Variants in RAPGEF1 observed in about 807,000 individuals in gnomAD.
RAPGEF1 encodes the protein CRK SH3-binding GNRP.
In RAPGEF1, 33 loss-of-function variants were observed where a neutral mutation model predicts 143.3. The ratio of observed to expected loss-of-function variants is 0.23; its 90% CI spans 0.17 to 0.31. The LOEUF is 0.31. Among genes scored for constraint, RAPGEF1 ranks in the 10% least tolerant of loss-of-function variants. RAPGEF1 has a pLI of 1.00. For missense variants in RAPGEF1, 1,199 were observed against 1,645.4 expected (o/e 0.73, Z 4.69); for synonymous variants, 629 against 676.5 (o/e 0.93, Z 1.09).
At chr9:131,672,336 C>A (rs1831537887) in intron 1 of RAPGEF1, among the ~76,000 whole-genome samples, 1 of 152,236 alleles carries the variant, frequency 6.6e-6, no homozygotes, top group African/African-American at 2.4e-5. Flanking sequence ...TTCACTGAAT[C>A]AATTTTAGGA....
Position 131,660,996 on chromosome 9 carries a change from C to G in RAPGEF1, c.62-10047G>C, listed in dbSNP as rs143423687. Among the ~76,000 whole-genome samples the G allele has an allele frequency of 4.9e-3, 748 of 152,332 alleles. 13 individuals are homozygous for G. Among genetic ancestry groups the G allele is most frequent in the Non-Finnish European group, 4.1e-3 (282 of 68,040 alleles). ...GAAGCAGTACATTAAAACCACTGAG[C>G]TACCACCACAAACATGCCTGAATAG... On this transcript the variant is annotated intron_variant, in intron 1 of 26. Coordinates refer to ENST00000683357, the MANE Select transcript of RAPGEF1 (RefSeq NM_001377935.1).
At chr9:131,715,863 CAAAA>C (rs145340457) in intron 1 of RAPGEF1, among the ~76,000 whole-genome samples, 3 of 72,508 alleles carry the variant, frequency 4.1e-5, no homozygotes, top group Non-Finnish European at 6.5e-5. Flanking sequence ...GACTCCCTCT[CAAAA>C]AAAAAAAAAA....
chr9:131,724,467 C>T (rs1048422497), intron 1 of RAPGEF1, among the ~76,000 whole-genome samples: 7 of 152,182 alleles, frequency 4.6e-5, no homozygotes, highest in East Asian at 1.9e-4. Context: ...TGGTGGCGGG[C>T]GCCTGTAGTC....
chr9:131,733,753 G>T (rs566648979), intron 1 of RAPGEF1, among the ~76,000 whole-genome samples: 7 of 152,262 alleles, frequency 4.6e-5, no homozygotes, highest in African/African-American at 1.4e-4. Context: ...CTGGCCATGG[G>T]GAACACGCTC....
Position 131,578,206 on chromosome 9 carries a change from G to A in RAPGEF1, c.*1291C>T, listed in dbSNP as rs1057124156. On this transcript the variant is annotated 3_prime_UTR_variant, in exon 27 of 27. Transcript: ENST00000683357. ...GAGGCCACGGAACCAGGCGGCACAGGGCAGATTCTGTTTGTCAAGCGCCCC... is the reference window on the plus strand; with the variant it reads ...GAGGCCACGGAACCAGGCGGCACAGAGCAGATTCTGTTTGTCAAGCGCCCC... 1.3e-5 allele frequency: 2 copies of A among 152,322 alleles called. No homozygotes were observed. The highest frequency in any genetic ancestry group is 2.4e-5 in the African/African-American group (1 of 41,466). The allele number at this position is 152,322 out of a possible 1,614,324, so 9.4% of individuals were successfully genotyped here.
At position 131,584,969 on chromosome 9, in the gene RAPGEF1, C is replaced by A. The variant is rs566610352; in HGVS notation, c.3234-373G>T. The stretch of plus-strand genomic sequence containing the variant: ...TTCCTTGTGTGATGCAGGACTGGCT[C>A]GGGGAGACCCGCTAGCACGTGAGGT... On this transcript the variant is annotated intron_variant, in intron 22 of 26. Coordinates refer to ENST00000683357, the MANE Select transcript of RAPGEF1 (RefSeq NM_001377935.1). The surrounding 1 kb of genome is among the most constrained non-coding windows in gnomAD (Gnocchi z 6.8). Among the ~76,000 whole-genome samples the A allele has an allele frequency of 2.0e-5, 3 of 152,178 alleles. No individual in the cohort carries two copies. The highest frequency in any genetic ancestry group is 4.4e-5 in the Non-Finnish European group (3 of 68,034).
intron 25 of RAPGEF1, 88 bp from the exon 26 acceptor site, chr9:131,580,479 A>G: frequency 6.9e-7 from 1 of 1,453,756 alleles, no homozygotes; most frequent in Non-Finnish European, 9.3e-7. Flanking sequence ...TAGGACTCGC[A>G]GTGAGCAGCT....
intron 10 of RAPGEF1, among the ~76,000 whole-genome samples, chr9:131,625,019 C>T (rs979773070): frequency 2.6e-5 from 4 of 152,224 alleles, no homozygotes; most frequent in African/African-American, 9.6e-5. Flanking sequence ...AGAATGGGGC[C>T]CAGCTCTAAG....
intron 3 of RAPGEF1, among the ~76,000 whole-genome samples, chr9:131,645,052 C>T (rs1344310248): frequency 6.6e-6 from 1 of 152,176 alleles, no homozygotes; most frequent in African/African-American, 2.4e-5. Context: ...GGGTCCTGCA[C>T]CCTGGCTTTA....
At chr9:131,679,207 A>G (rs570320085) in intron 1 of RAPGEF1, among the ~76,000 whole-genome samples, 2 of 152,266 alleles carry the variant, frequency 1.3e-5, no homozygotes, top group South Asian at 2.1e-4. Context: ...TAGATTATAA[A>G]TGTCTCAAGA....
chr9:131,658,622 G>A (rs1181873791), intron 1 of RAPGEF1, among the ~76,000 whole-genome samples: 1 of 152,184 alleles, frequency 6.6e-6, no homozygotes, highest in Admixed American at 6.5e-5. Context: ...GCAGGCTACA[G>A]ATCTGGCTGT....
chr9:131,721,807 A>G (rs890513964), intron 1 of RAPGEF1, among the ~76,000 whole-genome samples: 1 of 152,172 alleles, frequency 6.6e-6, no homozygotes, highest in Non-Finnish European at 1.5e-5. Flanking sequence ...TTTATATAGC[A>G]TTTCCACTGT....
rs1952204325 is a variant in RAPGEF1 at position 131,583,485 on chromosome 9, T to G, written c.3415-783A>C. Among the ~76,000 whole-genome samples the G allele has an allele frequency of 6.6e-6, 1 of 151,666 alleles. No individual in the cohort carries two copies. Among genetic ancestry groups the G allele is most frequent in the Non-Finnish European group, 1.5e-5 (1 of 67,892 alleles). ...TGACACGACCCCCAGGTGGCCTGGC[T>G]GACGCTCGGGTTCCTGACATGACCT... On this transcript the variant is annotated intron_variant, in intron 24 of 26. Coordinates refer to ENST00000683357, the MANE Select transcript of RAPGEF1 (RefSeq NM_001377935.1). The surrounding 1 kb of genome is among the most constrained non-coding windows in gnomAD (Gnocchi z 4.7).
Position 131,621,233 on chromosome 9 carries a change from C to T in RAPGEF1, c.1905+563G>A, listed in dbSNP as rs546959167. Among the ~76,000 whole-genome samples, 10 of 152,340 alleles carry T rather than the reference C, an allele frequency of 6.6e-5. No individual in the cohort carries two copies. The highest frequency in any genetic ancestry group is 2.0e-4 in the Admixed American group (3 of 15,306). On this transcript the variant is annotated intron_variant, in intron 11 of 26. Coordinates refer to ENST00000683357, the MANE Select transcript of RAPGEF1 (RefSeq NM_001377935.1). This position sits in a 1 kb window ranked among gnomAD's most constrained non-coding sequence, Gnocchi z 4.5. ...TACATGCACAGGAGTCCTTAGCACA[C>T]GAGTGTTTTCTAGAAGAGGAAGGTG... is the stretch of plus-strand genomic sequence containing the variant.
chr9:131,581,400 A>G (rs1424688599), intron 25 of RAPGEF1, among the ~76,000 whole-genome samples: 1 of 151,894 alleles, frequency 6.6e-6, no homozygotes, highest in Non-Finnish European at 1.5e-5. Flanking sequence ...TATTAAACAA[A>G]GAAACTGGCT....
intron 1 of RAPGEF1, among the ~76,000 whole-genome samples, chr9:131,695,765 A>G (rs1834123546): frequency 6.6e-6 from 1 of 152,202 alleles, no homozygotes; most frequent in Non-Finnish European, 1.5e-5. Context: ...GAAATGCATG[A>G]TAATAAGAAC....
intron 15 of RAPGEF1, among the ~76,000 whole-genome samples, chr9:131,601,321 T>C (rs551481693): frequency 3.9e-5 from 6 of 152,194 alleles, no homozygotes; most frequent in East Asian, 3.9e-4. Flanking sequence ...TGTCTAGAAA[T>C]GTCCCTGATA....
chr9:131,622,213 C>T (rs923596723), intron 10 of RAPGEF1, among the ~76,000 whole-genome samples: 5 of 152,132 alleles, frequency 3.3e-5, no homozygotes, highest in Non-Finnish European at 7.4e-5. Flanking sequence ...AGACGCGCAA[C>T]ACCAATGGGG....
At chr9:131,736,002 G>A (rs1251727404) in intron 1 of RAPGEF1, among the ~76,000 whole-genome samples, 6 of 152,170 alleles carry the variant, frequency 3.9e-5, no homozygotes, top group African/African-American at 1.4e-4. Flanking sequence ...CCAAAAACAT[G>A]ACGGTATCAA....
Sources: allele counts gnomAD v4.1 joint callset (sites outside exome capture counted in the v4.1 genomes callset), GRCh38; gene constraint gnomAD v4.1.1; non-coding constraint Gnocchi (gnomAD v3.1); transcripts MANE v1.5; gene names NCBI Gene and HGNC (gene_info 2026-07-23, HGNC 2026-07-21).